GPR37: variants seen among roughly 807,000 people sequenced by gnomAD.
The protein encoded by GPR37 is G protein-coupled receptor 37.
A neutral mutation model predicts 43.6 loss-of-function variants in GPR37; 20 were observed. That is an observed-to-expected ratio of 0.46 (90% CI 0.32 to 0.67). GPR37 has a LOEUF of 0.67. Among genes scored for constraint, GPR37 ranks in the 30% least tolerant of loss-of-function variants. The pLI is 0.03. For synonymous variants in GPR37, 315 were observed against 322.6 expected (o/e 0.98, Z 0.25); for missense variants, 724 against 797.2 (o/e 0.91, Z 1.11).
rs202217255 is a variant in GPR37, at chr7:124,764,585, G to A, written c.392C>T (p.Ser131Phe). Residue 131 changes from serine to phenylalanine, a missense_variant, in exon 1 of 2, where the codon TCT becomes TTT. Ser to Phe is a radical substitution (Grantham distance 155). Around this residue, in one of 2 missense-constraint regions of GPR37, gnomAD observed 382 missense variants for 355.4 expected, o/e 1.07. Transcript: ENST00000303921. This position sits in a 1 kb window ranked among gnomAD's most constrained non-coding sequence, Gnocchi z 5.4. ...RWKGARGQEP[S>F]ETLGRGNPTA... ...GGGGTTCCCTCTCCCCAAAGTTTCA[G>A]AAGGCTCCTGACCCCGAGCACCTTT... is the stretch of plus-strand genomic sequence containing the variant. 2 of 1,611,150 alleles carry A rather than the reference G, an allele frequency of 1.2e-6. No homozygotes were observed. The highest frequency in any genetic ancestry group is 3.3e-5 in the Admixed American group (2 of 59,882).
At position 124,764,598 on chromosome 7, in the gene GPR37, C is replaced by T. The variant is rs1371192394; in HGVS notation, c.379G>A (p.Gly127Ser). The T allele has an allele frequency of 2.5e-6, 4 of 1,603,280 alleles. No homozygotes were observed. The Admixed American group carries it at 6.8e-5, about 27-fold the overall frequency. Residue 127 changes from glycine (G) to serine (S), a missense_variant, in exon 1 of 2, where the codon GGT becomes AGT. By Grantham distance (56) the Gly-to-Ser change is moderately conservative. This residue lies in a region of GPR37 where 382 missense variants were observed against 355.4 expected (regional missense o/e 1.07). Transcript: ENST00000303921. This position sits in a 1 kb window ranked among gnomAD's most constrained non-coding sequence, Gnocchi z 5.4. ...PGPWRWKGAR[G>S]QEPSETLGRG... ...CCCAAAGTTTCAGAAGGCTCCTGAC[C>T]CCGAGCACCTTTCCACCTCCAGGGG...
At chr7:124,756,825 T>C (rs893299865) in intron 1 of GPR37, among the ~76,000 whole-genome samples, 2 of 152,316 alleles carry the variant, frequency 1.3e-5, no homozygotes, top group East Asian at 1.9e-4. Context: ...TGTTAAAAGG[T>C]TGCCGCACAT....
At chr7:124,757,805 T>C (rs1288103460) in intron 1 of GPR37, among the ~76,000 whole-genome samples, 2 of 152,202 alleles carry the variant, frequency 1.3e-5, no homozygotes, top group Non-Finnish European at 2.9e-5. Context: ...CTTTTCCCCC[T>C]CTTCCTGTAT....
intron 1 of GPR37, among the ~76,000 whole-genome samples, chr7:124,750,346 T>G (rs923869060): frequency 2.0e-5 from 3 of 152,152 alleles, no homozygotes; most frequent in Non-Finnish European, 4.4e-5. Context: ...CGTCACTTTA[T>G]AGCCCGAATG....
intron 1 of GPR37, 32 bp downstream of exon 1, chr7:124,763,922 C>G: frequency 1.9e-6 from 3 of 1,598,720 alleles, no homozygotes; most frequent in Non-Finnish European, 2.6e-6. Context: ...ACAGATAAAG[C>G]CACTAGCTTG....
intron 1 of GPR37, among the ~76,000 whole-genome samples, chr7:124,758,041 G>T (rs1485648921): frequency 6.6e-6 from 1 of 152,126 alleles, no homozygotes; most frequent in East Asian, 1.9e-4. Context: ...TAGAAGGGAA[G>T]TTAAAAAATC....
chr7:124,764,906 G>A lies in GPR37; in HGVS notation c.71C>T (p.Ala24Val), dbSNP rs143391902. The A allele has an allele frequency of 5.3e-5, 85 of 1,597,494 alleles. 1 individual carries two copies. The East Asian group carries it at 1.6e-3, about 30-fold the overall frequency. The part of the protein sequence containing the change: ...LLLLLLLKVS[A>V]SSALGVAPAS... ...AGGGGCGACCCCGAGGGCAGAAGAGGCAGACACCTTGAGCAGTAGCAGAAG... is the reference window on the plus strand; with the variant it reads ...AGGGGCGACCCCGAGGGCAGAAGAGACAGACACCTTGAGCAGTAGCAGAAG... Residue 24 changes from alanine (A) to valine (V), a missense_variant, in exon 1 of 2, where the codon GCC becomes GTC. Transcript: ENST00000303921. This position sits in a 1 kb window ranked among gnomAD's most constrained non-coding sequence, Gnocchi z 5.4.
intron 1 of GPR37, 147 bp from the exon 2 acceptor site, chr7:124,747,490 G>A (rs1793687464): frequency 4.9e-6 from 3 of 617,952 alleles, no homozygotes; most frequent in South Asian, 2.1e-5. Context: ...CCAGAATGAG[G>A]CATGGGTAAC....
At chr7:124,757,756 T>G (rs1467630235) in intron 1 of GPR37, among the ~76,000 whole-genome samples, 1 of 151,968 alleles carries the variant, frequency 6.6e-6, no homozygotes, top group African/African-American at 2.4e-5. Flanking sequence ...TCTGTAATTT[T>G]AATGGCAGTG....
rs533008895 is a variant in GPR37, at chr7:124,764,732, G to T, written c.245C>A (p.Ala82Glu). The change falls in exon 1 of 2, where the codon GCG becomes GAG. Residue 82 changes from alanine to glutamate, a missense_variant. Ala to Glu is a moderately radical substitution (Grantham distance 107). Around this residue, in one of 2 missense-constraint regions of GPR37, gnomAD observed 382 missense variants for 355.4 expected, o/e 1.07. Coordinates refer to ENST00000303921, the MANE Select transcript of GPR37 (RefSeq NM_005302.5). This position sits in a 1 kb window ranked among gnomAD's most constrained non-coding sequence, Gnocchi z 5.4. ...PREEQGAAFL[A>E]GPSWDLPAAP... ...CGCCGGCAGGTCCCAGGAGGGTCCCGCAAGAAACGCTGCCCCCTGCTCCTC... is the reference window on the plus strand; with the variant it reads ...CGCCGGCAGGTCCCAGGAGGGTCCCTCAAGAAACGCTGCCCCCTGCTCCTC... The T allele has an allele frequency of 2.8e-5, 45 of 1,608,858 alleles. 2 individuals are homozygous for T. In the South Asian group the frequency reaches 4.6e-4, roughly 17 times the overall value.
intron 1 of GPR37, 36 bp from the exon 2 acceptor site, chr7:124,747,379 TC>T (rs1224682133): frequency 2.2e-6 from 3 of 1,390,076 alleles, no homozygotes; most frequent in South Asian, 1.3e-5. Context: ...ATTCCCGGTG[TC>T]CCCCGAAAGA....
At position 124,746,611 on chromosome 7, in the gene GPR37, CGTT is replaced by C. The variant is rs778267692; in HGVS notation, c.1753_1755del (p.Asn585del). 2 of 1,613,778 alleles carry C rather than the reference CGTT, an allele frequency of 1.2e-6. No homozygotes were observed. Among genetic ancestry groups the C allele is most frequent in the East Asian group, 4.5e-5 (2 of 44,886 alleles). ...GAGAGTTCGAGTTCCGTGGTGTACT[CGTT>C]GTCATTGTCATCACTGGTCACCGTT... On this transcript the variant is annotated inframe_deletion, in exon 2 of 2. Coordinates refer to ENST00000303921, the MANE Select transcript of GPR37 (RefSeq NM_005302.5).
chr7:124,758,160 TTTC>T (rs1249942445), intron 1 of GPR37, among the ~76,000 whole-genome samples: 1 of 152,170 alleles, frequency 6.6e-6, no homozygotes, highest in Non-Finnish European at 1.5e-5. Flanking sequence ...TTATAAAACT[TTTC>T]TTTCTTGTGG....
rs916681552 is a variant in GPR37, at chr7:124,744,635, A to G, written c.*1890T>C. On this transcript the variant is annotated 3_prime_UTR_variant, in exon 2 of 2. Transcript: ENST00000303921. ...ATAAGCATTCCCTCTATTCCAAAGT[A>G]TCGCAGAACTTCACATCTTCCTGAG... 3 of 152,142 alleles carry G rather than the reference A, an allele frequency of 2.0e-5. No individual in the cohort carries two copies. The highest frequency in any genetic ancestry group is 7.2e-5 in the African/African-American group (3 of 41,442). The allele number at this position is 152,142 out of a possible 1,614,324, so 9.4% of individuals were successfully genotyped here.
At chr7:124,750,705 T>A (rs1793720717) in intron 1 of GPR37, among the ~76,000 whole-genome samples, 1 of 152,154 alleles carries the variant, frequency 6.6e-6, no homozygotes, top group Admixed American at 6.5e-5. Context: ...CCGGTGGACA[T>A]GTATTAAGAT....
At chr7:124,756,693 C>T (rs1793795135) in intron 1 of GPR37, among the ~76,000 whole-genome samples, 1 of 152,196 alleles carries the variant, frequency 6.6e-6, no homozygotes, top group South Asian at 2.1e-4. Flanking sequence ...ATGACAGGCG[C>T]ATCCCTGGAG....
intron 1 of GPR37, among the ~76,000 whole-genome samples, chr7:124,748,481 G>C (rs1302547657): frequency 6.6e-6 from 1 of 151,926 alleles, no homozygotes; most frequent in African/African-American, 2.4e-5. Context: ...AAGGGACATG[G>C]GTTCACAAAA....
chr7:124,749,089 T>C (rs1395876972), intron 1 of GPR37, among the ~76,000 whole-genome samples: 1 of 151,984 alleles, frequency 6.6e-6, no homozygotes, highest in East Asian at 1.9e-4. Context: ...TCAACCAAGA[T>C]GGGGACGATG....
At chr7:124,747,915 C>T (rs1024525759) in intron 1 of GPR37, among the ~76,000 whole-genome samples, 15 of 152,078 alleles carry the variant, frequency 9.9e-5, no homozygotes, top group African/African-American at 2.4e-4. Flanking sequence ...CATACACTTA[C>T]GGAAAACAAG....
Sources: allele counts gnomAD v4.1 joint callset (sites outside exome capture counted in the v4.1 genomes callset), GRCh38; gene constraint gnomAD v4.1.1; regional missense constraint gnomAD v4.1.1; non-coding constraint Gnocchi (gnomAD v3.1); transcripts MANE v1.5; gene names NCBI Gene and HGNC (gene_info 2026-07-23, HGNC 2026-07-21).